LRRK1: variants seen among roughly 807,000 people sequenced by gnomAD.
The protein encoded by LRRK1 is leucine rich repeat kinase 1.
Under a neutral mutation model 209.1 loss-of-function variants are expected in LRRK1, and 113 were observed. The ratio of observed to expected loss-of-function variants is 0.54; its 90% CI spans 0.46 to 0.63. The LOEUF (loss-of-function observed/expected upper bound fraction) is 0.63. Ranked by LOEUF, LRRK1 falls within the 30% of genes least tolerant of loss-of-function variation. The pLI is 0.00. For missense variants in LRRK1, 2,284 were observed against 2,632.2 expected (o/e 0.87, Z 2.89); for synonymous variants, 1,144 against 1,099.7 (o/e 1.04, Z -0.80).
At chr15:101,020,567 G>C (rs527320370) in intron 12 of LRRK1, among the ~76,000 whole-genome samples, 1 of 151,900 alleles carries the variant, frequency 6.6e-6, no homozygotes, top group South Asian at 2.1e-4. Flanking sequence ...GTAGAGACAG[G>C]GTTTTACCAT....
Position 100,923,265 on chromosome 15 carries a change from GAC to G in LRRK1, c.-122-1240_-122-1239del, listed in dbSNP as rs2042050600. Among the ~76,000 whole-genome samples the G allele has an allele frequency of 2.0e-5, 3 of 152,310 alleles. No individual in the cohort carries two copies. In the South Asian group the frequency reaches 6.2e-4, roughly 32 times the overall value. The stretch of plus-strand genomic sequence containing the variant: ...TCTATTTTTAACAGGTGAAAACTGA[GAC>G]ACACATACCTTTCAGCTGGGAGTCA... On this transcript the variant is annotated intron_variant, in intron 1 of 33. Transcript: ENST00000388948.
intron 2 of LRRK1, among the ~76,000 whole-genome samples, chr15:100,926,358 C>T (rs2042109601): frequency 6.6e-6 from 1 of 152,132 alleles, no homozygotes. Flanking sequence ...CCTGCTGCTC[C>T]TCTTCGCAGC....
rs2036479473 is a variant in LRRK1, at chr15:101,065,507, C to T, written c.5070C>T (p.Pro1690=). ...CGGATGAAGACGCACGGCAGAACCC[C>T]TACCCAGTGAAGGCCATGGAGGTGG... ...SIADEDARQN[P]YPVKAMEVVN... Residue 1690 remains proline, a synonymous_variant, in exon 32 of 34, where the codon CCC becomes CCT. Coordinates refer to ENST00000388948, the MANE Select transcript of LRRK1 (RefSeq NM_024652.6). 1 of 1,614,110 alleles carries T rather than the reference C, an allele frequency of 6.2e-7. No individual in the cohort carries two copies. Among genetic ancestry groups the T allele is most frequent in the African/African-American group, 1.3e-5 (1 of 74,942 alleles).
chr15:100,984,711 C>G (rs1224052267), intron 4 of LRRK1, among the ~76,000 whole-genome samples: 2 of 152,100 alleles, frequency 1.3e-5, no homozygotes, highest in African/African-American at 4.8e-5. Context: ...GTGTACCACA[C>G]TATGTTGCTT....
In LRRK1 at chr15:101,056,650, G is replaced by A. The variant is rs1005052347; in HGVS notation, c.4333-206G>A. ...GGATGGATGGATGGAAAGAAGGAAGGGTGAGAAAATGGATAGATAAATGGA... is the reference window on the plus strand; with the variant it reads ...GGATGGATGGATGGAAAGAAGGAAGAGTGAGAAAATGGATAGATAAATGGA... On this transcript the variant is annotated intron_variant, in intron 27 of 33. Coordinates refer to ENST00000388948, the MANE Select transcript of LRRK1 (RefSeq NM_024652.6). 3.3e-5 allele frequency among the ~76,000 whole-genome samples: 5 copies of A among 152,266 alleles called. No individual in the cohort carries two copies. The East Asian group carries it at 5.8e-4, about 18-fold the overall frequency.
chr15:100,962,586 C>T (rs752916364), intron 2 of LRRK1, among the ~76,000 whole-genome samples: 37 of 151,064 alleles, frequency 2.4e-4, no homozygotes, highest in Middle Eastern at 3.4e-3. Flanking sequence ...CTGAAGGGGA[C>T]GGCTACTGTA....
At position 101,074,950 on chromosome 15, in the gene LRRK1, A is replaced by C. The variant is rs2036929067; in HGVS notation, c.*6102A>C. On this transcript the variant is annotated 3_prime_UTR_variant, in exon 34 of 34. Coordinates refer to ENST00000388948, the MANE Select transcript of LRRK1 (RefSeq NM_024652.6). ...GGCAGCCACTCCCAGAGCCCCTGGA[A>C]CTCCGGCCCAAGGCTCTCTGACTGA... The C allele has an allele frequency of 6.8e-6, 1 of 146,458 alleles. No homozygotes were observed. The highest frequency in any genetic ancestry group is 1.5e-5 in the Non-Finnish European group (1 of 67,618). 9.1% of individuals were successfully genotyped at this position (146,458 alleles called of 1,614,324 possible).
intron 20 of LRRK1, 132 bp downstream of exon 20, chr15:101,029,364 G>GTCATCGGGTGCTGGCCTGT: frequency 1.1e-6 from 1 of 948,164 alleles, no homozygotes; most frequent in Non-Finnish European, 1.5e-6. Flanking sequence ...CTACGGACAG[G>GTCATCGGGTGCTGGCCTGT]CCAGCACCCG....
rs1248010309 is a variant in LRRK1 at position 101,025,776 on chromosome 15, A to G, written c.2233-189A>G. On this transcript the variant is annotated intron_variant, in intron 16 of 33. Coordinates refer to ENST00000388948, the MANE Select transcript of LRRK1 (RefSeq NM_024652.6). ...AACCTCCCGTCAGGCCTCACCTCCA[A>G]CACTGGGGATCACATTTCAACATAA... 2.0e-5 allele frequency among the ~76,000 whole-genome samples: 3 copies of G among 152,206 alleles called. No homozygotes were observed. In the East Asian group the frequency reaches 5.8e-4, roughly 29 times the overall value.
At position 101,021,854 on chromosome 15, in the gene LRRK1, C is replaced by G. The variant is rs748910278; in HGVS notation, c.1749C>G (p.Gly583=). 1.4e-5 allele frequency: 23 copies of G among 1,612,684 alleles called. No homozygotes were observed. In the South Asian group the frequency reaches 2.4e-4, roughly 17 times the overall value. The change falls in exon 14 of 34, where the codon GGC becomes GGG. Residue 583 remains glycine (G), a synonymous_variant. Transcript: ENST00000388948. Reference sequence around the variant, plus strand: ...ACACATCTGTCTTCAGCAACCCTGGCCTCCGGGAGCTCCCTCCTGAGCTGG... The same window carrying G: ...ACACATCTGTCTTCAGCAACCCTGGGCTCCGGGAGCTCCCTCCTGAGCTGG... ...LSELYLGNNP[G]LRELPPELGQ...
intron 2 of LRRK1, among the ~76,000 whole-genome samples, chr15:100,926,841 C>G (rs557868247): frequency 6.6e-6 from 1 of 151,930 alleles, no homozygotes; most frequent in Non-Finnish European, 1.5e-5. Context: ...TGCGCCACCA[C>G]GCCCAGCTAA....
intron 2 of LRRK1, among the ~76,000 whole-genome samples, chr15:100,945,317 T>C (rs1447965741): frequency 2.0e-5 from 3 of 152,222 alleles, no homozygotes; most frequent in Non-Finnish European, 1.5e-5. Flanking sequence ...GGCTGACAAG[T>C]ATTTATTACC....
rs2036741773 is a variant in LRRK1, at chr15:101,070,190, A to G, written c.*1342A>G. On this transcript the variant is annotated 3_prime_UTR_variant, in exon 34 of 34. Coordinates refer to ENST00000388948, the MANE Select transcript of LRRK1 (RefSeq NM_024652.6). ...TCCCAGACCCACTCGCTGTCTGGGG[A>G]TAATGGGCAGCCCCTCCTTGCCCAC... 6.6e-6 allele frequency: 1 copy of G among 151,446 alleles called. No homozygotes were observed. Among genetic ancestry groups the G allele is most frequent in the Non-Finnish European group, 1.5e-5 (1 of 67,922 alleles). 9.4% of individuals were successfully genotyped at this position (151,446 alleles called of 1,614,324 possible).
At chr15:101,036,747 T>G (rs1028412013) in intron 20 of LRRK1, among the ~76,000 whole-genome samples, 1 of 151,700 alleles carries the variant, frequency 6.6e-6, no homozygotes, top group Non-Finnish European at 1.5e-5. Context: ...CTTCCAGTAT[T>G]TGAATTTGCC....
chr15:101,025,301 C>A (rs1008543321), intron 16 of LRRK1, among the ~76,000 whole-genome samples: 5 of 152,164 alleles, frequency 3.3e-5, no homozygotes, highest in Non-Finnish European at 5.9e-5. Context: ...AATCCCTCCC[C>A]ACAAGTCCAA....
chr15:100,995,092 G>A (rs2032340502), intron 6 of LRRK1, among the ~76,000 whole-genome samples: 2 of 152,194 alleles, frequency 1.3e-5, no homozygotes, highest in African/African-American at 4.8e-5. Context: ...CAGGGCACGT[G>A]TGACGGAGGT....
At chr15:101,015,437 A>G in intron 12 of LRRK1, 35 bp downstream of exon 12, 1 of 1,544,924 alleles carries the variant, frequency 6.5e-7, no homozygotes, top group East Asian at 2.3e-5. Context: ...TTCCCAGATG[A>G]GACAGCCGGG....
At chr15:101,004,618 T>G (rs1199154672) in intron 6 of LRRK1, among the ~76,000 whole-genome samples, 1 of 152,090 alleles carries the variant, frequency 6.6e-6, no homozygotes, top group Non-Finnish European at 1.5e-5. Flanking sequence ...GCCACACAGA[T>G]CAGTGGAGAG....
chr15:101,036,174 G>C (rs2034486612), intron 20 of LRRK1, among the ~76,000 whole-genome samples: 2 of 152,102 alleles, frequency 1.3e-5, no homozygotes, highest in African/African-American at 2.4e-5. Flanking sequence ...TTGTTAAATA[G>C]GTTTTCCTAA....
Sources: gnomAD v4.1 joint callset for allele counts (sites outside exome capture counted in the v4.1 genomes callset) on GRCh38, gnomAD v4.1.1 for gene constraint, MANE v1.5 for transcripts, NCBI Gene and HGNC (gene_info 2026-07-23, HGNC 2026-07-21) for gene names.